PTPRS: variants seen among roughly 807,000 people sequenced by gnomAD.
The protein encoded by PTPRS is protein tyrosine phosphatase receptor type S.
In PTPRS, 63 loss-of-function variants were observed where a neutral mutation model predicts 215.3. The ratio of observed to expected loss-of-function variants is 0.29; its 90% CI spans 0.24 to 0.36. The LOEUF is 0.36. PTPRS is among the 10% of genes least tolerant of loss of function. PTPRS has a pLI of 1.00. For synonymous variants in PTPRS, 1,404 were observed against 1,191.4 expected, an observed-to-expected ratio of 1.18 and a Z score of -3.68; for missense variants, 2,258 against 2,825.8, an observed-to-expected ratio of 0.80 and a Z score of 4.56.
intron 7 of PTPRS, among the ~76,000 whole-genome samples, chr19:5,259,559 A>G (rs937236976): frequency 1.8e-4 from 27 of 152,334 alleles, no homozygotes; most frequent in African/African-American, 5.3e-4. Flanking sequence ...GTATGTTTGT[A>G]ATCACAGGCC....
At chr19:5,224,243 G>C (rs2042272106) in intron 17 of PTPRS, among the ~76,000 whole-genome samples, 1 of 152,138 alleles carries the variant, frequency 6.6e-6, no homozygotes, top group Non-Finnish European at 1.5e-5. Flanking sequence ...AAGAAAGAGA[G>C]GGAACCACGA....
At position 5,339,844 on chromosome 19, in the gene PTPRS, C is replaced by T. The variant is rs942379240; in HGVS notation, c.-95+820G>A. ...GGGGCGGCTTCCCCACTCTCGGGAT[C>T]CCCACGGGGCCCCCAGCGCGGAGGG... On this transcript the variant is annotated intron_variant, in intron 1 of 37. Transcript: ENST00000262963. This position sits in a 1 kb window ranked among gnomAD's most constrained non-coding sequence, Gnocchi z 4.2. 9.2e-5 allele frequency among the ~76,000 whole-genome samples: 14 copies of T among 151,934 alleles called. No individual in the cohort carries two copies. In the East Asian group the frequency reaches 1.6e-3, roughly 17 times the overall value.
chr19:5,326,897 C>T (rs972888793), intron 1 of PTPRS, among the ~76,000 whole-genome samples: 1 of 151,988 alleles, frequency 6.6e-6, no homozygotes, highest in Non-Finnish European at 1.5e-5. Context: ...CTAGCTAGTC[C>T]TTAGGCGATG....
At chr19:5,317,464 T>C (rs1246343361) in intron 1 of PTPRS, among the ~76,000 whole-genome samples, 2 of 152,130 alleles carry the variant, frequency 1.3e-5, no homozygotes, top group Non-Finnish European at 1.5e-5. Flanking sequence ...AGAGCAAGAC[T>C]GTCTCAAAAA....
intron 4 of PTPRS, among the ~76,000 whole-genome samples, chr19:5,270,680 C>T (rs2046833401): frequency 2.0e-5 from 3 of 152,150 alleles, no homozygotes; most frequent in Admixed American, 2.0e-4. Flanking sequence ...CTGTGTCACC[C>T]AGGCTGGAGT....
chr19:5,298,140 G>A (rs969829570), intron 1 of PTPRS, among the ~76,000 whole-genome samples: 3 of 152,038 alleles, frequency 2.0e-5, no homozygotes, highest in African/African-American at 4.8e-5. Flanking sequence ...CTTTTCTTTC[G>A]TTCGATGGGG....
At position 5,264,999 on chromosome 19, in the gene PTPRS, C is replaced by A; in HGVS notation, c.568+9G>T. The A allele has an allele frequency of 6.2e-7, 1 of 1,613,418 alleles. No homozygotes were observed. Among genetic ancestry groups the A allele is most frequent in the South Asian group, 1.1e-5 (1 of 90,914 alleles). ...AGGCTCCCACGTCCTGTCAGCCACC[C>A]TCACTCACCTGATCGCAGCTGTTTG... On this transcript the variant is annotated intron_variant, in intron 5 of 37. Coordinates refer to ENST00000262963, the MANE Select transcript of PTPRS (RefSeq NM_002850.4).
intron 25 of PTPRS, 119 bp from the exon 26 acceptor site, chr19:5,216,886 G>GT (rs560719780): frequency 5.4e-6 from 3 of 556,092 alleles, no homozygotes; most frequent in East Asian, 3.1e-5. Context: ...CGCGGACAAC[G>GT]GGGGGTATGT....
intron 2 of PTPRS, among the ~76,000 whole-genome samples, chr19:5,284,745 G>A (rs527581451): frequency 5.9e-5 from 9 of 152,060 alleles, no homozygotes; most frequent in African/African-American, 1.7e-4. Context: ...TCAGGAGTTC[G>A]AGACCAGCCT....
chr19:5,229,794 G>T, intron 14 of PTPRS, 110 bp from the exon 15 acceptor site: 1 of 626,730 alleles, frequency 1.6e-6, no homozygotes, highest in Non-Finnish European at 2.3e-6. Context: ...GGCTGCCGGT[G>T]AATAACTGGG....
chr19:5,309,018 T>C (rs1381918865), intron 1 of PTPRS, among the ~76,000 whole-genome samples: 2 of 152,100 alleles, frequency 1.3e-5, no homozygotes, highest in African/African-American at 2.4e-5. Context: ...CCCCTGGCCC[T>C]ACAGCCTGCC....
chr19:5,277,841 G>A, intron 2 of PTPRS: 1 of 810,974 alleles, frequency 1.2e-6, no homozygotes. Context: ...GTTAACTGGG[G>A]GAAACCCAGA....
intron 22 of PTPRS, 23 bp from the exon 23 acceptor site, chr19:5,219,490 T>C: frequency 6.5e-7 from 1 of 1,541,620 alleles, no homozygotes; most frequent in Non-Finnish European, 8.7e-7. Flanking sequence ...GAGGGGGGTC[T>C]CCATCAGTGT....
In PTPRS at chr19:5,293,131, G is replaced by A. The variant is rs1341131276; in HGVS notation, c.-94-6897C>T. 4 of 151,640 alleles carry A rather than the reference G, an allele frequency of 2.6e-5. No individual in the cohort carries two copies. The highest frequency in any genetic ancestry group is 6.6e-5 in the Admixed American group (1 of 15,266). 9.4% of individuals were successfully genotyped at this position (151,640 alleles called of 1,614,324 possible). ...GCCTCGGGGTGGAAGGGGGTCCCGG[G>A]CGCACTCACCCCGCGGCTCGGAGAT... On this transcript the variant is annotated intron_variant, in intron 1 of 37. Transcript: ENST00000262963. This position sits in a 1 kb window ranked among gnomAD's most constrained non-coding sequence, Gnocchi z 8.4.
At chr19:5,251,292 C>A (rs1382203012) in intron 9 of PTPRS, among the ~76,000 whole-genome samples, 5 of 152,112 alleles carry the variant, frequency 3.3e-5, no homozygotes, top group South Asian at 2.1e-4. Flanking sequence ...CTCTCCCCCC[C>A]ACCGCCAGCT....
At chr19:5,221,447 C>T (rs1254978522) in intron 19 of PTPRS, among the ~76,000 whole-genome samples, 194 bp from the exon 20 acceptor site, 3 of 151,906 alleles carry the variant, frequency 2.0e-5, no homozygotes, top group Non-Finnish European at 2.9e-5. Context: ...CCTCACTGAA[C>T]CCTGACCCCA....
chr19:5,212,797 G>T (rs8103385), intron 30 of PTPRS, among the ~76,000 whole-genome samples: 14 of 151,020 alleles, frequency 9.3e-5, no homozygotes, highest in East Asian at 3.9e-4. Context: ...GAGCTGAGAT[G>T]GCGCCACTGT....
At chr19:5,226,392 A>T (rs766309086) in intron 16 of PTPRS, among the ~76,000 whole-genome samples, 3 of 152,222 alleles carry the variant, frequency 2.0e-5, no homozygotes, top group Non-Finnish European at 4.4e-5. Flanking sequence ...TTAAATTTTC[A>T]GGAATTTTGT....
intron 4 of PTPRS, among the ~76,000 whole-genome samples, chr19:5,268,492 A>C (rs1018222793): frequency 6.6e-6 from 1 of 151,608 alleles, no homozygotes; most frequent in Non-Finnish European, 1.5e-5. Context: ...TCTTGGGAGG[A>C]AACTGAGCCC....
Sources: allele counts gnomAD v4.1 joint callset (sites outside exome capture counted in the v4.1 genomes callset), GRCh38; gene constraint gnomAD v4.1.1; non-coding constraint Gnocchi (gnomAD v3.1); transcripts MANE v1.5; gene names NCBI Gene and HGNC (gene_info 2026-07-23, HGNC 2026-07-21).